The following RASAL2 variants were observed in gnomAD, a reference collection of about 807,000 sequenced individuals.
RASAL2 encodes RAS protein activator like 2.
Under a neutral mutation model 128.9 loss-of-function variants are expected in RASAL2, and 58 were observed. The ratio of observed to expected loss-of-function variants is 0.45; its 90% CI spans 0.36 to 0.56. RASAL2 has a LOEUF of 0.56. Ranked by LOEUF, RASAL2 falls within the 20% of genes least tolerant of loss-of-function variation. RASAL2 has a pLI of 0.00. For synonymous variants in RASAL2, 561 were observed against 580.8 expected, an observed-to-expected ratio of 0.97 and a Z score of 0.49; for missense variants, 1,360 against 1,601.6, an observed-to-expected ratio of 0.85 and a Z score of 2.57.
intron 2 of RASAL2, among the ~76,000 whole-genome samples, chr1:178,294,418 A>G (rs141672045): frequency 2.0e-4 from 31 of 152,346 alleles, no homozygotes; most frequent in East Asian, 3.9e-4. Context: ...AACTATTATG[A>G]TAACTATGTA....
intron 5 of RASAL2, among the ~76,000 whole-genome samples, chr1:178,430,936 ACACACACACC>A (rs933676117): frequency 6.6e-6 from 1 of 151,648 alleles, no homozygotes; most frequent in African/African-American, 2.4e-5. Context: ...ACACACACAC[ACACACACACC>A]CCTCTTATAC....
chr1:178,389,577 T>A (rs1672774798), intron 3 of RASAL2, among the ~76,000 whole-genome samples: 1 of 152,212 alleles, frequency 6.6e-6, no homozygotes, highest in Admixed American at 6.5e-5. Context: ...CATAGGCATA[T>A]ATGTTATTTT....
chr1:178,445,457 C>A, intron 8 of RASAL2, 61 bp from the exon 9 acceptor site: 1 of 1,466,836 alleles, frequency 6.8e-7, no homozygotes, highest in South Asian at 1.4e-5. Context: ...TTTCAAAAGT[C>A]TCTTCTAATG....
intron 1 of RASAL2, among the ~76,000 whole-genome samples, chr1:178,096,464 T>TCG (rs1658687452): frequency 6.7e-6 from 1 of 148,370 alleles, no homozygotes; most frequent in Admixed American, 6.8e-5. Flanking sequence ...ATTGTATATT[T>TCG]TGTGTGTGTG....
intron 3 of RASAL2, among the ~76,000 whole-genome samples, chr1:178,340,966 T>C (rs1669842107): frequency 6.6e-6 from 1 of 152,218 alleles, no homozygotes; most frequent in Non-Finnish European, 1.5e-5. Context: ...ATAAAAACTT[T>C]GTTCCTTTTC....
chr1:178,112,683 A>G (rs1042839015), intron 1 of RASAL2, among the ~76,000 whole-genome samples: 129 of 146,898 alleles, frequency 8.8e-4, no homozygotes, highest in Non-Finnish European at 1.6e-3. Flanking sequence ...ATTCTCACTC[A>G]TAGGTGGGAA....
chr1:178,146,671 G>T (rs899516019), intron 1 of RASAL2, among the ~76,000 whole-genome samples: 1 of 152,198 alleles, frequency 6.6e-6, no homozygotes, highest in Non-Finnish European at 1.5e-5. Context: ...GCCTGCTGCT[G>T]TCTTTGGCAT....
intron 3 of RASAL2, among the ~76,000 whole-genome samples, chr1:178,351,006 A>C (rs1670444636): frequency 6.6e-6 from 1 of 152,080 alleles, no homozygotes; most frequent in South Asian, 2.1e-4. Context: ...CAGAAGGCAA[A>C]ACGAGATCAG....
At chr1:178,439,983 ATCCATC>A (rs1676517920) in intron 6 of RASAL2, among the ~76,000 whole-genome samples, 1 of 148,370 alleles carries the variant, frequency 6.7e-6, no homozygotes, top group African/African-American at 2.6e-5. Flanking sequence ...CCATCCATCC[ATCCATC>A]CATCCATCCA....
chr1:178,139,937 T>G (rs1213872006), intron 1 of RASAL2, among the ~76,000 whole-genome samples: 5 of 152,182 alleles, frequency 3.3e-5, no homozygotes, highest in Non-Finnish European at 7.4e-5. Flanking sequence ...CATAATGTTT[T>G]TCTTTTTATA....
chr1:178,259,690 T>C (rs1665566234), intron 1 of RASAL2, among the ~76,000 whole-genome samples: 2 of 152,190 alleles, frequency 1.3e-5, no homozygotes, highest in African/African-American at 4.8e-5. Flanking sequence ...GCCTCCCCAG[T>C]AGCTGGGACT....
At chr1:178,097,101 A>T (rs1414909250) in intron 1 of RASAL2, among the ~76,000 whole-genome samples, 1 of 152,228 alleles carries the variant, frequency 6.6e-6, no homozygotes, top group African/African-American at 2.4e-5. Flanking sequence ...AGAGACTTTG[A>T]TGAGTGTAGT....
chr1:178,437,845 A>G (rs2102823559), intron 5 of RASAL2, among the ~76,000 whole-genome samples: 1 of 152,196 alleles, frequency 6.6e-6, no homozygotes, highest in East Asian at 1.9e-4. Context: ...CATAGAACAG[A>G]AGGAAATAAA....
chr1:178,112,739 C>G (rs1405839908), intron 1 of RASAL2, among the ~76,000 whole-genome samples: 22 of 110,740 alleles, frequency 2.0e-4, no homozygotes, highest in African/African-American at 6.8e-4. Flanking sequence ...ACATCACACT[C>G]TGGGGACTGT....
intron 1 of RASAL2, among the ~76,000 whole-genome samples, chr1:178,120,412 C>A (rs1659673393): frequency 6.6e-6 from 1 of 152,182 alleles, no homozygotes; most frequent in African/African-American, 2.4e-5. Flanking sequence ...CTTACCAAAA[C>A]TGTGACTGAG....
rs990459907 is a variant in RASAL2, at chr1:178,279,117, A to G, written c.203-4447A>G. On this transcript the variant is annotated intron_variant, in intron 1 of 17. Coordinates refer to ENST00000367649, the MANE Select transcript of RASAL2 (RefSeq NM_170692.4). ...TGTTTTGAAATTATTTGGAAATAAT[A>G]GATTGCATTGAATACTTCAAATAAG... Among the ~76,000 whole-genome samples the G allele has an allele frequency of 7.2e-5, 11 of 152,212 alleles. 1 individual carries two copies. The highest frequency in any genetic ancestry group is 2.7e-4 in the African/African-American group (11 of 41,466).
At chr1:178,299,651 C>G (rs1667675486) in intron 2 of RASAL2, among the ~76,000 whole-genome samples, 2 of 152,040 alleles carry the variant, frequency 1.3e-5, no homozygotes, top group African/African-American at 4.8e-5. Context: ...GTGGGCGCCA[C>G]CACGCCCAGC....
chr1:178,404,946 C>T (rs777579376), intron 4 of RASAL2, among the ~76,000 whole-genome samples: 1 of 151,948 alleles, frequency 6.6e-6, no homozygotes, highest in African/African-American at 2.4e-5. Context: ...CCTCTCGAAG[C>T]GCTGGGATTA....
At chr1:178,225,993 G>A (rs995345028) in intron 1 of RASAL2, among the ~76,000 whole-genome samples, 1 of 152,064 alleles carries the variant, frequency 6.6e-6, no homozygotes, top group South Asian at 2.1e-4. Context: ...TTCTCATTTT[G>A]CCCCGAAATC....
Sources: gnomAD v4.1 joint callset for allele counts (sites outside exome capture counted in the v4.1 genomes callset) on GRCh38, gnomAD v4.1.1 for gene constraint, MANE v1.5 for transcripts, NCBI Gene and HGNC (gene_info 2026-07-23, HGNC 2026-07-21) for gene names.